The following GLB1 variants were observed in gnomAD, a reference collection of about 807,000 sequenced individuals.
GLB1 encodes the protein galactosidase beta 1, also known as beta-galactosidase.
Under a neutral mutation model 74.0 loss-of-function variants are expected in GLB1, and 56 were observed. The observed-to-expected ratio is 0.76, with a 90% CI of 0.61 to 0.94. The LOEUF (loss-of-function observed/expected upper bound fraction) is 0.94, where lower values mean the gene tolerates loss of function less well. GLB1 is among the 40% of genes least tolerant of loss of function. GLB1 has a pLI of 0.00. For missense variants in GLB1, 787 were observed against 845.5 expected, an observed-to-expected ratio of 0.93 and a Z score of 0.86; for synonymous variants, 323 against 323.6, an observed-to-expected ratio of 1.00 and a Z score of 0.02.
In GLB1 at chr3:33,065,458, G is replaced by A; in HGVS notation, c.552+5C>T. ...CAATCCATCCATGCTCAACTCCAGG[G>A]TTACCTGCACTGTTATAACTGGCCC... On this transcript the variant is annotated splice_donor_5th_base_variant and intron_variant, in intron 5 of 15. Coordinates refer to ENST00000307363, the MANE Select transcript of GLB1 (RefSeq NM_000404.4). The A allele has an allele frequency of 6.3e-7, 1 of 1,575,338 alleles. No individual in the cohort carries two copies. The highest frequency in any genetic ancestry group is 8.6e-7 in the Non-Finnish European group (1 of 1,157,422).
Position 33,065,543 on chromosome 3 carries a change from C to T in GLB1, c.472G>A (p.Val158Met). Residue 158 changes from valine (V) to methionine (M), a missense_variant, in exon 5 of 16, where the codon GTG becomes ATG. By Grantham distance (21) the Val-to-Met change is conservative (BLOSUM62 1). Coordinates refer to ENST00000307363, the MANE Select transcript of GLB1 (RefSeq NM_000404.4). ...AGAAGGACTCCCAACCACTTGTCCA[C>T]AGCTGCCAGGTAATCTGGAAAACAA... ...RSSDPDYLAA[V>M]DKWLGVLLPK... The T allele has an allele frequency of 6.3e-7, 1 of 1,578,486 alleles. No homozygotes were observed. The highest frequency in any genetic ancestry group is 8.6e-7 in the Non-Finnish European group (1 of 1,158,668).
At chr3:33,023,421 G>C (rs907869032) in intron 11 of GLB1, among the ~76,000 whole-genome samples, 1 of 152,144 alleles carries the variant, frequency 6.6e-6, no homozygotes, top group African/African-American at 2.4e-5. Flanking sequence ...AATGTTATAA[G>C]AACTCAACCA....
At chr3:33,077,141 G>A (rs1255241431) in intron 1 of GLB1, 1 of 1,437,416 alleles carries the variant, frequency 7.0e-7, no homozygotes, top group Non-Finnish European at 9.3e-7. Context: ...CTGCTTGCGT[G>A]CTCATTCGGT....
the GLB1 span, among the ~76,000 whole-genome samples, chr3:32,962,386 G>A: frequency 2.0e-5 from 3 of 150,818 alleles, no homozygotes; most frequent in African/African-American, 7.5e-5. Context: ...GCTTTCTAAT[G>A]TATGGTGTTA....
At chr3:33,042,255 C>T (rs1004257397) in intron 10 of GLB1, among the ~76,000 whole-genome samples, 1 of 152,088 alleles carries the variant, frequency 6.6e-6, no homozygotes, top group Admixed American at 6.5e-5. Flanking sequence ...AACGGCTCTG[C>T]TCAACTCCTC....
intron 1 of GLB1, among the ~76,000 whole-genome samples, chr3:33,087,939 C>T (rs769882793): frequency 7.9e-5 from 12 of 151,960 alleles, no homozygotes; most frequent in Non-Finnish European, 1.2e-4. Flanking sequence ...TCCTAAAATG[C>T]AAGAATGGTT....
the GLB1 span, among the ~76,000 whole-genome samples, chr3:32,973,293 C>T: frequency 6.6e-6 from 1 of 151,994 alleles, no homozygotes; most frequent in African/African-American, 2.4e-5. Context: ...ATGTGGGTGA[C>T]CTGTGTGTGT....
At chr3:33,026,293 C>T (rs1283727158) in intron 10 of GLB1, among the ~76,000 whole-genome samples, 1 of 152,246 alleles carries the variant, frequency 6.6e-6, no homozygotes, top group Non-Finnish European at 1.5e-5. Context: ...TGCTGTCGCA[C>T]GCTGGCTGGG....
At chr3:33,017,367 CCTAA>C (rs1475205068) in intron 13 of GLB1, among the ~76,000 whole-genome samples, 2 of 152,152 alleles carry the variant, frequency 1.3e-5, no homozygotes, top group African/African-American at 4.8e-5. Flanking sequence ...ACAACATATT[CCTAA>C]CTTTTTAAAA....
intron 9 of GLB1, among the ~76,000 whole-genome samples, chr3:33,046,493 C>T (rs1433156237): frequency 6.6e-6 from 1 of 152,098 alleles, no homozygotes; most frequent in Admixed American, 6.5e-5. Flanking sequence ...AGCTGTGATT[C>T]TAGCAGGTAT....
intron 1 of GLB1, chr3:33,077,006 T>C (rs779664338): frequency 2.2e-5 from 27 of 1,210,074 alleles, no homozygotes; most frequent in Non-Finnish European, 2.8e-5. Flanking sequence ...GGAGAATTGC[T>C]AGAGCCCAGG....
At chr3:33,077,052 T>C (rs1269588733) in intron 1 of GLB1, 2 of 1,308,118 alleles carry the variant, frequency 1.5e-6, no homozygotes, top group African/African-American at 3.0e-5. Flanking sequence ...GGCGAGACCC[T>C]GTCTCTATAA....
intron 5 of GLB1, among the ~76,000 whole-genome samples, chr3:33,063,566 C>T (rs147580539): frequency 0.015 from 2,322 of 152,120 alleles, 66 homozygotes; most frequent in African/African-American, 0.052. Context: ...AGAATTAATA[C>T]TTGATTATAC....
At position 33,057,982 on chromosome 3, in the gene GLB1, G is replaced by T. The variant is rs1575459354; in HGVS notation, c.733+107C>A. 4.2e-6 allele frequency: 6 copies of T among 1,442,944 alleles called. No homozygotes were observed. In the East Asian group the frequency reaches 1.2e-4, roughly 29 times the overall value. The allele number at this position is 1,442,944 out of a possible 1,614,324, so 89.4% of individuals were successfully genotyped here. A position where few individuals can be genotyped will look rare whatever the true frequency, so the allele number is the denominator to read the frequency against. ...CCTGTTCCTTGAAAAATGAAAACAT[G>T]AAAAATCTCAATCTGCCCATGACAC... On this transcript the variant is annotated intron_variant, in intron 6 of 15. Coordinates refer to ENST00000307363, the MANE Select transcript of GLB1 (RefSeq NM_000404.4).
At chr3:33,006,533 G>A (rs962279906) in intron 15 of GLB1, among the ~76,000 whole-genome samples, 1 of 152,086 alleles carries the variant, frequency 6.6e-6, no homozygotes, top group African/African-American at 2.4e-5. Flanking sequence ...GAAAGCACTG[G>A]AGAAGAACGC....
chr3:33,065,695 C>A, intron 4 of GLB1, 138 bp from the exon 5 acceptor site: 3 of 989,002 alleles, frequency 3.0e-6, no homozygotes, highest in South Asian at 1.6e-5. Context: ...TGGCTGGGTG[C>A]GGTGGCTCAC....
intron 10 of GLB1, among the ~76,000 whole-genome samples, chr3:33,040,446 A>G (rs529466152): frequency 6.6e-6 from 1 of 152,014 alleles, no homozygotes; most frequent in Non-Finnish European, 1.5e-5. Flanking sequence ...CTCTACAAAA[A>G]AAAAATAAAA....
At chr3:33,041,574 A>G (rs951422318) in intron 10 of GLB1, among the ~76,000 whole-genome samples, 3 of 151,786 alleles carry the variant, frequency 2.0e-5, no homozygotes, top group Admixed American at 6.6e-5. Flanking sequence ...AGGCAGGAGA[A>G]TCGCTTGAAG....
Position 33,046,211 on chromosome 3 carries a change from G to A in GLB1, c.977C>T (p.Ala326Val), listed in dbSNP as rs1177372214. The A allele has an allele frequency of 6.2e-7, 1 of 1,614,044 alleles. No homozygotes were observed. The highest frequency in any genetic ancestry group is 8.5e-7 in the Non-Finnish European group (1 of 1,179,996). Reference sequence around the variant, plus strand: ...ATCATAGTCGTAGCTGGTGGGCTGTGCTGCATAGGGTGAGTTGGCCCCTAG... The same window carrying A: ...ATCATAGTCGTAGCTGGTGGGCTGTACTGCATAGGGTGAGTTGGCCCCTAG... ...YWNGANSPYA[A>V]QPTSYDYDAP... is the part of the protein sequence containing the mutation. The change falls in exon 10 of 16, where the codon GCA (alanine) becomes GTA (valine). Residue 326 changes from alanine (A) to valine (V), a missense_variant. Transcript: ENST00000307363.
Sources: allele counts gnomAD v4.1 joint callset (sites outside exome capture counted in the v4.1 genomes callset), GRCh38; gene constraint gnomAD v4.1.1; transcripts MANE v1.5; gene names NCBI Gene and HGNC (gene_info 2026-07-23, HGNC 2026-07-21).